Variants in DNAH7 observed in about 807,000 individuals in gnomAD.
DNAH7 encodes the protein dynein axonemal heavy chain 7.
Under a neutral mutation model 444.6 loss-of-function variants are expected in DNAH7, and 397 were observed. The observed-to-expected ratio is 0.89, with a 90% CI of 0.82 to 0.97. The LOEUF is 0.97. DNAH7 is among the 50% of genes least tolerant of loss of function. The pLI is 0.00. For synonymous variants in DNAH7, 1,636 were observed against 1,624.4 expected, an observed-to-expected ratio of 1.01 and a Z score of -0.17; for missense variants, 4,902 against 4,800.8, an observed-to-expected ratio of 1.02 and a Z score of -0.62.
At chr2:195,871,410 C>A (rs117447065) in intron 40 of DNAH7, among the ~76,000 whole-genome samples, 1 of 152,060 alleles carries the variant, frequency 6.6e-6, no homozygotes, top group African/African-American at 2.4e-5. Context: ...GCAATTCTCC[C>A]GCCTCAGCCT....
chr2:195,933,888 TTAAAG>T (rs201281556), intron 21 of DNAH7, among the ~76,000 whole-genome samples: 2,189 of 152,136 alleles, frequency 0.014, 60 homozygotes, highest in African/African-American at 0.05. Flanking sequence ...ACCCTAAAAC[TTAAAG>T]TATAGTAACA....
intron 52 of DNAH7, among the ~76,000 whole-genome samples, chr2:195,809,369 C>T (rs545778690): frequency 2.0e-5 from 3 of 152,232 alleles, no homozygotes; most frequent in African/African-American, 7.2e-5. Context: ...ATCTTAAACA[C>T]GTAAGTGTAT....
In DNAH7 at chr2:195,950,852, A is replaced by C. The variant is rs1358755238; in HGVS notation, c.3078+6409T>G. On this transcript the variant is annotated intron_variant, in intron 19 of 64. Coordinates refer to ENST00000312428, the MANE Select transcript of DNAH7 (RefSeq NM_018897.3). ...AGGCAACAGAGTGGGACTCTGTCTCAAAAAAAAAAAAAAAAAAAAAAAAAA... is the reference window on the plus strand; with the variant it reads ...AGGCAACAGAGTGGGACTCTGTCTCCAAAAAAAAAAAAAAAAAAAAAAAAA... Among the ~76,000 whole-genome samples, 242 of 31,558 alleles carry C rather than the reference A, an allele frequency of 7.7e-3. 1 individual carries two copies. The highest frequency in any genetic ancestry group is 0.015 in the South Asian group (13 of 852). 20.7% of individuals were successfully genotyped at this position (31,558 alleles called of 152,430 possible).
At position 195,787,271 on chromosome 2, in the gene DNAH7, T is replaced by C. The variant is rs1000053117; in HGVS notation, c.10717-100A>G. On this transcript the variant is annotated intron_variant, in intron 57 of 64. Transcript: ENST00000312428. ...AAAGCAAATTTCTTTCATTTATAAA[T>C]AGCATAGGGACATATTCATCCCAAA... The C allele has an allele frequency of 8.8e-6, 11 of 1,253,796 alleles. No homozygotes were observed. In the Admixed American group the frequency reaches 2.8e-4, roughly 32 times the overall value. 77.7% of individuals were successfully genotyped at this position (1,253,796 alleles called of 1,614,324 possible).
intron 19 of DNAH7, among the ~76,000 whole-genome samples, chr2:195,949,596 C>G (rs1289524911): frequency 1.3e-5 from 2 of 152,078 alleles, no homozygotes; most frequent in African/African-American, 4.8e-5. Context: ...CCCTTTATTT[C>G]TTTATCCTGC....
rs35075325 is a variant in DNAH7, at chr2:195,846,949, A to ATGTG, written c.8782-1788_8782-1785dup. 9.3e-3 allele frequency among the ~76,000 whole-genome samples: 1,273 copies of ATGTG among 137,204 alleles called. 18 individuals are homozygous for ATGTG. The highest frequency in any genetic ancestry group is 0.058 in the East Asian group (280 of 4,800). The allele number at this position is 137,204 out of a possible 152,430, so 90.0% of individuals were successfully genotyped here. On this transcript the variant is annotated intron_variant, in intron 46 of 64. Transcript: ENST00000312428. Reference sequence around the variant, plus strand: ...AATACTACGTAATAAACTCCCATATATGTGTGTGTGTGTGTGTGTGTGTGT... The same window carrying ATGTG: ...AATACTACGTAATAAACTCCCATATATGTGTGTGTGTGTGTGTGTGTGTGTGTGT...
At chr2:195,840,966 T>C (rs770281411) in intron 47 of DNAH7, among the ~76,000 whole-genome samples, 5 of 151,796 alleles carry the variant, frequency 3.3e-5, no homozygotes, top group Non-Finnish European at 7.4e-5. Flanking sequence ...GAGTTACAAG[T>C]AGACAAAACA....
At chr2:196,047,284 T>C (rs1697192578) in intron 5 of DNAH7, 68 bp downstream of exon 5, 1 of 1,363,280 alleles carries the variant, frequency 7.3e-7, no homozygotes, top group Non-Finnish European at 9.8e-7. Flanking sequence ...AATTCTAATA[T>C]TCTTAGGTTA....
rs142128185 is a variant in DNAH7 at position 195,995,614 on chromosome 2, G to A, written c.1353+5090C>T. The A allele has an allele frequency of 2.2e-4, 63 of 290,842 alleles. 1 individual carries two copies. Among genetic ancestry groups the A allele is most frequent in the East Asian group, 1.6e-3 (16 of 10,226 alleles). 18.0% of individuals were successfully genotyped at this position (290,842 alleles called of 1,614,324 possible). On this transcript the variant is annotated intron_variant, in intron 12 of 64. Transcript: ENST00000312428. ...GGGAGGCCAGCTAGAGAGGGGACCC[G>A]GAGGGCCAAACAGACCAGTGGTGTG...
chr2:195,962,246 T>C (rs1691159825), intron 17 of DNAH7, among the ~76,000 whole-genome samples: 1 of 152,200 alleles, frequency 6.6e-6, no homozygotes, highest in South Asian at 2.1e-4. Flanking sequence ...ATGGTGTACA[T>C]GAGATACTTT....
At chr2:195,755,885 T>A (rs1163979630) in intron 62 of DNAH7, among the ~76,000 whole-genome samples, 2 of 152,190 alleles carry the variant, frequency 1.3e-5, no homozygotes, top group Non-Finnish European at 2.9e-5. Context: ...GCTGTAGGTA[T>A]CTATTTTAAT....
chr2:195,749,392 A>C (rs1693639415), intron 63 of DNAH7, among the ~76,000 whole-genome samples: 1 of 151,562 alleles, frequency 6.6e-6, no homozygotes, highest in Non-Finnish European at 1.5e-5. Flanking sequence ...TGGGACTGTA[A>C]ACTAGTTCAA....
chr2:195,920,063 A>G lies in DNAH7; in HGVS notation c.3935+2025T>C, dbSNP rs77219045. ...GCATGAGATAAATCACTACATGAAAACAGAACTCTTGAAAACTCAGTGTTT... is the reference window on the plus strand; with the variant it reads ...GCATGAGATAAATCACTACATGAAAGCAGAACTCTTGAAAACTCAGTGTTT... On this transcript the variant is annotated intron_variant, in intron 24 of 64. Transcript: ENST00000312428. Among the ~76,000 whole-genome samples the G allele has an allele frequency of 7.0e-3, 1,060 of 152,272 alleles. 11 individuals are homozygous for G. The highest frequency in any genetic ancestry group is 0.025 in the African/African-American group (1,023 of 41,562).
rs980808164 is a variant in DNAH7 at position 195,888,312 on chromosome 2, G to C, written c.5352C>G (p.Gly1784=). The change falls in exon 33 of 65, where the codon GGC becomes GGG. Residue 1784 remains glycine (G), a synonymous_variant. Transcript: ENST00000312428. The part of the protein sequence containing the change: ...VSVIQKEFIM[G]LFDRMVPVSV... ...AAACAGGGACCATTCTGTCAAATAA[G>C]CCCATTATGAATTCCTTTTGAATAA... is the stretch of plus-strand genomic sequence containing the variant. The C allele has an allele frequency of 5.3e-5, 85 of 1,610,702 alleles. No homozygotes were observed. The Middle Eastern group carries it at 9.9e-4, about 19-fold the overall frequency.
chr2:195,923,895 A>G, intron 22 of DNAH7, 88 bp from the exon 23 acceptor site: 1 of 1,125,724 alleles, frequency 8.9e-7, no homozygotes, highest in Non-Finnish European at 1.3e-6. Context: ...TATACAGATT[A>G]TTCTCTGCAT....
chr2:195,812,204 C>T (rs1475867759), intron 51 of DNAH7, among the ~76,000 whole-genome samples: 2 of 152,012 alleles, frequency 1.3e-5, no homozygotes, highest in African/African-American at 4.8e-5. Flanking sequence ...AACGCCCTGC[C>T]CATCAAACTA....
intron 15 of DNAH7, among the ~76,000 whole-genome samples, chr2:195,975,382 C>A (rs1692121160): frequency 6.6e-6 from 1 of 152,150 alleles, no homozygotes; most frequent in African/African-American, 2.4e-5. Flanking sequence ...CTTAGAGCAG[C>A]CCTAGCCAGA....
At chr2:195,872,218 C>A (rs772376811) in intron 40 of DNAH7, 32 bp downstream of exon 40, 1 of 1,522,346 alleles carries the variant, frequency 6.6e-7, no homozygotes, top group Non-Finnish European at 9.1e-7. Context: ...TTGTTTCTCA[C>A]ATAATCCCAT....
intron 19 of DNAH7, among the ~76,000 whole-genome samples, chr2:195,943,583 C>T (rs956729306): frequency 3.3e-5 from 5 of 152,128 alleles, no homozygotes; most frequent in African/African-American, 1.2e-4. Flanking sequence ...ATGTTAATTT[C>T]TGCTGTTGGC....
Sources: gnomAD v4.1 joint callset for allele counts (sites outside exome capture counted in the v4.1 genomes callset) on GRCh38, gnomAD v4.1.1 for gene constraint, MANE v1.5 for transcripts, NCBI Gene and HGNC (gene_info 2026-07-23, HGNC 2026-07-21) for gene names.